The following INPP5E variants were observed in gnomAD, a reference collection of about 807,000 sequenced individuals.
INPP5E encodes inositol polyphosphate-5-phosphatase E.
A neutral mutation model predicts 50.5 loss-of-function variants in INPP5E; 34 were observed. The ratio of observed to expected loss-of-function variants is 0.67; its 90% CI spans 0.51 to 0.90. The LOEUF (loss-of-function observed/expected upper bound fraction) is 0.90. Among genes scored for constraint, INPP5E ranks in the 40% least tolerant of loss-of-function variants. The probability of loss-of-function intolerance (pLI) is 0.00; values close to 1 mark genes in which losing one functional copy is unlikely to be tolerated. For synonymous variants in INPP5E, 447 were observed against 406.0 expected (o/e 1.10, Z -1.21); for missense variants, 942 against 905.5 (o/e 1.04, Z -0.52).
At chr9:136,432,014 C>T (rs1293467869) in intron 6 of INPP5E, 29 bp from the exon 7 acceptor site, 3 of 1,612,376 alleles carry the variant, frequency 1.9e-6, no homozygotes, top group Non-Finnish European at 2.5e-6. Flanking sequence ...TGTGTGGGCA[C>T]AGGCAGAGGG....
At chr9:136,430,968 A>G (rs779456720) in intron 8 of INPP5E, 34 bp downstream of exon 8, 24 of 1,435,412 alleles carry the variant, frequency 1.7e-5, no homozygotes, top group Non-Finnish European at 2.3e-5. Context: ...CTGCCCTGGA[A>G]GCACTCTGCA....
At chr9:136,429,972 G>A (rs550781430) in intron 9 of INPP5E, among the ~76,000 whole-genome samples, 165 bp from the exon 10 acceptor site, 11 of 152,312 alleles carry the variant, frequency 7.2e-5, no homozygotes, top group African/African-American at 2.4e-4. Flanking sequence ...CTAAGCACAC[G>A]GAGGCCTGTT....
At chr9:136,430,740 G>A (rs1835680220) in intron 8 of INPP5E, among the ~76,000 whole-genome samples, 1 of 152,192 alleles carries the variant, frequency 6.6e-6, no homozygotes, top group South Asian at 2.1e-4. Context: ...GGGTGCAACG[G>A]GCAGAGGGCA....
At position 136,434,143 on chromosome 9, in the gene INPP5E, A is replaced by C. The variant is rs376994223; in HGVS notation, c.937-9T>G. 27 of 1,597,840 alleles carry C rather than the reference A, an allele frequency of 1.7e-5. No homozygotes were observed. Among genetic ancestry groups the C allele is most frequent in the Non-Finnish European group, 2.2e-5 (26 of 1,173,476 alleles). On this transcript the variant is annotated splice_polypyrimidine_tract_variant and intron_variant, in intron 2 of 9. Coordinates refer to ENST00000371712, the MANE Select transcript of INPP5E (RefSeq NM_019892.6). ...AGGCTGGGCGGGAGCTCCTGGAAGG[A>C]GGGAGCATGTGGTGGGCCGGCTCCT...
At chr9:136,431,770 CCA>C in intron 7 of INPP5E, 52 bp downstream of exon 7, 1 of 479,406 alleles carries the variant, frequency 2.1e-6, no homozygotes, top group Non-Finnish European at 3.4e-6. Flanking sequence ...GCCCGCCCCC[CCA>C]GGCCCTCACC....
In INPP5E at chr9:136,439,170, G is replaced by C. The variant is rs759659346; in HGVS notation, c.250C>G (p.Leu84Val). ...CTCCAGCCCTTGTCGTCCAGGGACA[G>C]GGCTCGCTCCAGTCGAGGCCTGGCG... Reference protein sequence around the residue: ...PPARPRLERALSLDDKGWRRR... With the variant: ...PPARPRLERAVSLDDKGWRRR... The change falls in exon 1 of 10, where the codon CTG (leucine) becomes GTG (valine). Residue 84 changes from leucine (L) to valine (V), a missense_variant. By Grantham distance (32) the Leu-to-Val change is conservative (BLOSUM62 1). Transcript: ENST00000371712. The C allele has an allele frequency of 6.4e-7, 1 of 1,564,202 alleles. No homozygotes were observed. The highest frequency in any genetic ancestry group is 1.2e-5 in the South Asian group (1 of 86,238).
At position 136,430,896 on chromosome 9, in the gene INPP5E, G is replaced by C. The variant is rs984435188; in HGVS notation, c.1665+106C>G. The C allele has an allele frequency of 4.9e-6, 4 of 815,500 alleles. No individual in the cohort carries two copies. The African/African-American group carries it at 6.7e-5, about 14-fold the overall frequency. The allele number at this position is 815,500 out of a possible 1,614,324, so 50.5% of individuals were successfully genotyped here. A position where few individuals can be genotyped will look rare whatever the true frequency, so the allele number is the denominator to read the frequency against. ...GCCAAGGTGCAGAGCTGAGTTTCAA[G>C]TCCAGGCCGTCCAGGCTCAGACCCC... On this transcript the variant is annotated intron_variant, in intron 8 of 9. Transcript: ENST00000371712.
Position 136,429,340 on chromosome 9 carries a change from A to C in INPP5E, c.*335T>G. 2 of 429,988 alleles carry C rather than the reference A, an allele frequency of 4.7e-6. No individual in the cohort carries two copies. The highest frequency in any genetic ancestry group is 4.2e-5 in the South Asian group (2 of 47,350). 26.6% of individuals were successfully genotyped at this position (429,988 alleles called of 1,614,324 possible). Reference sequence around the variant, plus strand: ...GTTGGGGGGCTCTGTGACTGCCCCCAGGGCACAGGAGCTGCTCAGGAACGG... The same window carrying C: ...GTTGGGGGGCTCTGTGACTGCCCCCCGGGCACAGGAGCTGCTCAGGAACGG... On this transcript the variant is annotated 3_prime_UTR_variant, in exon 10 of 10. Transcript: ENST00000371712.
chr9:136,434,710 C>CCCCCCCCAGCACCA, intron 2 of INPP5E, 30 bp downstream of exon 2: 1 of 1,168,262 alleles, frequency 8.6e-7, no homozygotes, highest in Non-Finnish European at 1.2e-6. Flanking sequence ...CCCCACCCTT[C>CCCCCCCCAGCACCA]CCCGCCCAGC....
intron 7 of INPP5E, 68 bp from the exon 8 acceptor site, chr9:136,431,185 ACCTCT>A (rs1835691028): frequency 1.0e-6 from 1 of 967,174 alleles, no homozygotes; most frequent in Non-Finnish European, 1.6e-6. Flanking sequence ...CCAGGCCCTC[ACCTCT>A]CCTCATCTCC....
Position 136,439,501 on chromosome 9 carries a change from G to A in INPP5E, c.-82C>T, listed in dbSNP as rs1259008669. On this transcript the variant is annotated 5_prime_UTR_variant, in exon 1 of 10. Coordinates refer to ENST00000371712, the MANE Select transcript of INPP5E (RefSeq NM_019892.6). ...ACGGGTGCCGGGTCCGGGGTCGCCGGCGCAGCGAGGAGCAGAAACGCCGCT... is the reference window on the plus strand; with the variant it reads ...ACGGGTGCCGGGTCCGGGGTCGCCGACGCAGCGAGGAGCAGAAACGCCGCT... 5 of 1,070,880 alleles carry A rather than the reference G, an allele frequency of 4.7e-6. No homozygotes were observed. Among genetic ancestry groups the A allele is most frequent in the Non-Finnish European group, 6.2e-6 (5 of 812,348 alleles). The allele number at this position is 1,070,880 out of a possible 1,614,324, so 66.3% of individuals were successfully genotyped here. A position where few individuals can be genotyped will look rare whatever the true frequency, so the allele number is the denominator to read the frequency against.
intron 5 of INPP5E, 49 bp from the exon 6 acceptor site, chr9:136,432,635 G>T: frequency 7.8e-7 from 1 of 1,275,226 alleles, no homozygotes; most frequent in Non-Finnish European, 1.1e-6. Flanking sequence ...GGATGCTCGA[G>T]TCTCCCTAAA....
Position 136,431,007 on chromosome 9 carries a change from A to G in INPP5E, c.1660T>C (p.Tyr554His). ...DSTSKQRTPS[Y>H]TDRVLYRSRH... ...CAGCGGTGGGCAGGCCTCACCGTGT[A>G]TGAGGGCGTCCTCTGCTTGGAGGTG... Residue 554 changes from tyrosine (Y) to histidine (H), a missense_variant, in exon 8 of 10, where the codon TAC (tyrosine) becomes CAC (histidine). Coordinates refer to ENST00000371712, the MANE Select transcript of INPP5E (RefSeq NM_019892.6). 6.2e-7 allele frequency: 1 copy of G among 1,604,374 alleles called. No homozygotes were observed. The highest frequency in any genetic ancestry group is 8.5e-7 in the Non-Finnish European group (1 of 1,171,710).
In INPP5E at chr9:136,439,346, C is replaced by T; in HGVS notation, c.74G>A (p.Gly25Glu). 6.9e-7 allele frequency: 1 copy of T among 1,440,326 alleles called. No individual in the cohort carries two copies. Among genetic ancestry groups the T allele is most frequent in the Non-Finnish European group, 9.0e-7 (1 of 1,105,408 alleles). The allele number at this position is 1,440,326 out of a possible 1,614,324, so 89.2% of individuals were successfully genotyped here. A position where few individuals can be genotyped will look rare whatever the true frequency, so the allele number is the denominator to read the frequency against. The part of the protein sequence containing the change: ...PQPPEGRTLQ[G>E]QLPGAPPAQR... ...GGCCGGCGGAGCGCCGGGAAGCTGT[C>T]CTTGGAGCGTCCTCCCTTCCGGCGG... The change falls in exon 1 of 10, where the codon GGA becomes GAA. Residue 25 changes from glycine (G) to glutamate (E), a missense_variant. By Grantham distance (98) the Gly-to-Glu change is moderately conservative. Coordinates refer to ENST00000371712, the MANE Select transcript of INPP5E (RefSeq NM_019892.6).
intron 6 of INPP5E, 40 bp downstream of exon 6, chr9:136,432,439 C>T (rs1191199014): frequency 1.4e-6 from 2 of 1,388,148 alleles, no homozygotes; most frequent in Non-Finnish European, 2.0e-6. Flanking sequence ...CGTGTGCGAA[C>T]CACGGCGGCA....
Position 136,438,773 on chromosome 9 carries a change from A to C in INPP5E, c.647T>G (p.Leu216Arg). Residue 216 changes from leucine to arginine, a missense_variant, in exon 1 of 10, where the codon CTT (leucine) becomes CGT (arginine). By Grantham distance (102) the Leu-to-Arg change is moderately radical. Coordinates refer to ENST00000371712, the MANE Select transcript of INPP5E (RefSeq NM_019892.6). ...LRTANKVDSD[L>R]ADYKLRAQPL... The stretch of plus-strand genomic sequence containing the variant: ...CTGCGCGCGGAGCTTGTAGTCTGCA[A>C]GATCCGAGTCGACCTTGTTTGCTGT... 1 of 1,612,112 alleles carries C rather than the reference A, an allele frequency of 6.2e-7. No individual in the cohort carries two copies. Among genetic ancestry groups the C allele is most frequent in the Non-Finnish European group, 8.5e-7 (1 of 1,179,670 alleles).
intron 6 of INPP5E, 88 bp downstream of exon 6, chr9:136,432,391 G>A (rs529579361): frequency 2.8e-5 from 24 of 848,728 alleles, no homozygotes; most frequent in African/African-American, 1.8e-4. Context: ...AGCTCAGGAC[G>A]CTGCCTCTTC....
rs767206759 is a variant in INPP5E at position 136,429,561 on chromosome 9, G to A, written c.*114C>T. On this transcript the variant is annotated 3_prime_UTR_variant, in exon 10 of 10. Transcript: ENST00000371712. ...TCCTGGGACGCTGGCACAGAGGCAC[G>A]GTCGCCACAGTCCCTCGGATCCCCG... The A allele has an allele frequency of 1.5e-5, 21 of 1,391,594 alleles. No individual in the cohort carries two copies. The East Asian group carries it at 1.8e-4, about 12-fold the overall frequency. The allele number at this position is 1,391,594 out of a possible 1,614,324, so 86.2% of individuals were successfully genotyped here.
chr9:136,439,153 C>A lies in INPP5E; in HGVS notation c.267G>T (p.Lys89Asn). 1 of 1,575,088 alleles carries A rather than the reference C, an allele frequency of 6.3e-7. No homozygotes were observed. The highest frequency in any genetic ancestry group is 2.3e-5 in the East Asian group (1 of 43,244). Residue 89 changes from lysine (K) to asparagine (N), a missense_variant, in exon 1 of 10, where the codon AAG becomes AAT. Physicochemically the swap from Lys to Asn is moderately conservative, Grantham distance 94. Transcript: ENST00000371712. ...CTCGAAAACGCCTCCTCCTCCAGCC[C>A]TTGTCGTCCAGGGACAGGGCTCGCT... ...RLERALSLDD[K>N]GWRRRRFRGS...
Sources: gnomAD v4.1 joint callset for allele counts (sites outside exome capture counted in the v4.1 genomes callset) on GRCh38, gnomAD v4.1.1 for gene constraint, MANE v1.5 for transcripts, NCBI Gene and HGNC (gene_info 2026-07-23, HGNC 2026-07-21) for gene names.